MUC5B: variants seen among roughly 807,000 people sequenced by gnomAD.
MUC5B encodes mucin 5B, oligomeric mucus/gel-forming, also known as mucin-5B.
Under a neutral mutation model 376.9 loss-of-function variants are expected in MUC5B, and 116 were observed. The observed-to-expected ratio is 0.31, with a 90% CI of 0.26 to 0.36. The LOEUF (loss-of-function observed/expected upper bound fraction) is 0.36, where lower values mean the gene tolerates loss of function less well. Among genes scored for constraint, MUC5B ranks in the 10% least tolerant of loss-of-function variants. The pLI is 1.00. For missense variants in MUC5B, 7,165 were observed against 7,769.9 expected, an observed-to-expected ratio of 0.92 and a Z score of 2.93; for synonymous variants, 3,517 against 3,390.9, an observed-to-expected ratio of 1.04 and a Z score of -1.29.
At chr11:1,239,175 C>G in intron 26 of MUC5B, 148 bp downstream of exon 26, 1 of 1,073,252 alleles carries the variant, frequency 9.3e-7, no homozygotes, top group Non-Finnish European at 1.4e-6. Flanking sequence ...GCACAAGTTT[C>G]TATGCACAGA....
intron 11 of MUC5B, 96 bp downstream of exon 11, chr11:1,230,239 G>T (rs1312271086): frequency 3.4e-6 from 5 of 1,464,540 alleles, no homozygotes; most frequent in Non-Finnish European, 3.6e-6. Context: ...GTCATAGAGG[G>T]GTGGATGTCC....
Position 1,261,584 on chromosome 11 carries a change from G to A in MUC5B, c.17265G>A (p.Pro5755=), listed in dbSNP as rs762366069. 19 of 1,606,240 alleles carry A rather than the reference G, an allele frequency of 1.2e-5. No individual in the cohort carries two copies. The highest frequency in any genetic ancestry group is 1.5e-5 in the Non-Finnish European group (18 of 1,177,506). Reference sequence around the variant, plus strand: ...CTCCCCCACACACCCGTGGCTTCCCGGCCCAGGAGGCCACTGCTGTCTGAG... The same window carrying A: ...CTCCCCCACACACCCGTGGCTTCCCAGCCCAGGAGGCCACTGCTGTCTGAG... ...PMAPPHTRGF[P]AQEATAV The change falls in exon 49 of 49, where the codon CCG becomes CCA. Residue 5755 remains proline (P), a synonymous_variant. Coordinates refer to ENST00000529681, the MANE Select transcript of MUC5B (RefSeq NM_002458.3).
chr11:1,260,269 C>A, intron 46 of MUC5B, 82 bp from the exon 47 acceptor site: 3 of 1,479,948 alleles, frequency 2.0e-6, no homozygotes, highest in South Asian at 1.2e-5. Flanking sequence ...TGCCCCTGCC[C>A]GGGTGGGCCC....
chr11:1,253,050 G>C lies in MUC5B; in HGVS notation c.15217+70G>C. 1 of 1,557,494 alleles carries C rather than the reference G, an allele frequency of 6.4e-7. No individual in the cohort carries two copies. On this transcript the variant is annotated intron_variant, in intron 33 of 48. Transcript: ENST00000529681. The surrounding 1 kb of genome is among the most constrained non-coding windows in gnomAD (Gnocchi z 4.3). ...GCAGAGTGCACCGTCGGCTAGGCTGGCAGAATGGGGCATGGTGGGGCACAG... is the reference window on the plus strand; with the variant it reads ...GCAGAGTGCACCGTCGGCTAGGCTGCCAGAATGGGGCATGGTGGGGCACAG...
intron 8 of MUC5B, 131 bp from the exon 9 acceptor site, chr11:1,229,039 G>A: frequency 8.5e-7 from 1 of 1,175,692 alleles, no homozygotes; most frequent in Non-Finnish European, 1.2e-6. Context: ...GGGCGTCAGG[G>A]CCACCCTGGG....
chr11:1,262,035 GGCGGCC>G lies in MUC5B; in HGVS notation c.*430_*435del. On this transcript the variant is annotated 3_prime_UTR_variant, in exon 49 of 49. Transcript: ENST00000529681. Reference sequence around the variant, plus strand: ...GCTGCCAGGAAGCTGCGACAGGCAAGGCGGCCGCCTGTCCATGCCTGCTGCAGGGTA... The same window carrying G: ...GCTGCCAGGAAGCTGCGACAGGCAAGGCCTGTCCATGCCTGCTGCAGGGTA... 1 of 515,548 alleles carries G rather than the reference GGCGGCC, an allele frequency of 1.9e-6. No individual in the cohort carries two copies. Among genetic ancestry groups the G allele is most frequent in the Non-Finnish European group, 3.8e-6 (1 of 260,736 alleles). 31.9% of individuals were successfully genotyped at this position (515,548 alleles called of 1,614,324 possible).
At position 1,245,246 on chromosome 11, in the gene MUC5B, C is replaced by T. The variant is rs777141359; in HGVS notation, c.8366C>T (p.Thr2789Met). ...LGTTHITEPSTGTSHTPAATT... is the reference protein window; with the variant it reads ...LGTTHITEPSMGTSHTPAATT... ...ACCACCCACATCACAGAGCCTTCCACGGGGACTTCCCACACCCCAGCAGCA... is the reference window on the plus strand; with the variant it reads ...ACCACCCACATCACAGAGCCTTCCATGGGGACTTCCCACACCCCAGCAGCA... The change falls in exon 31 of 49, where the codon ACG (threonine) becomes ATG (methionine). Residue 2789 changes from threonine (T) to methionine (M), a missense_variant. Transcript: ENST00000529681. 2.8e-5 allele frequency: 44 copies of T among 1,598,452 alleles called. No individual in the cohort carries two copies. Among genetic ancestry groups the T allele is most frequent in the South Asian group, 5.6e-5 (5 of 89,928 alleles).
In MUC5B at chr11:1,228,561, C is replaced by T. The variant is rs868222346; in HGVS notation, c.775-3C>T. On this transcript the variant is annotated splice_region_variant and splice_polypyrimidine_tract_variant and intron_variant, in intron 7 of 48. Transcript: ENST00000529681. ...GCCCAGCCTGGCCCACTGTGCTCCC[C>T]AGGAGGGCATCTGCCACCGCACCCT... 5 of 1,520,020 alleles carry T rather than the reference C, an allele frequency of 3.3e-6. No individual in the cohort carries two copies. In the African/African-American group the frequency reaches 6.9e-5, roughly 21 times the overall value. The allele number at this position is 1,520,020 out of a possible 1,614,324, so 94.2% of individuals were successfully genotyped here.
At position 1,244,546 on chromosome 11, in the gene MUC5B, A is replaced by G. The variant is rs764875094; in HGVS notation, c.7666A>G (p.Thr2556Ala). 1.2e-6 allele frequency: 2 copies of G among 1,609,412 alleles called. No homozygotes were observed. Among genetic ancestry groups the G allele is most frequent in the East Asian group, 2.2e-5 (1 of 44,666 alleles). Residue 2556 changes from threonine (T) to alanine (A), a missense_variant, in exon 31 of 49, where the codon ACC (threonine) becomes GCC (alanine). Transcript: ENST00000529681. ...CACCTGGACCCGCCTATCACAGACC[A>G]CCACACCCACGGCCACCATGTCCAC... Reference protein sequence around the residue: ...GTTWTRLSQTTTPTATMSTAT... With the variant: ...GTTWTRLSQTATPTATMSTAT...
intron 25 of MUC5B, among the ~76,000 whole-genome samples, chr11:1,237,676 C>T (rs914154162): frequency 3.3e-5 from 5 of 152,150 alleles, no homozygotes; most frequent in African/African-American, 4.8e-5. Context: ...TTGAGACCAG[C>T]CTGGTCAACA....
Position 1,236,977 on chromosome 11 carries a change from T to C in MUC5B, c.3110T>C (p.Phe1037Ser), listed in dbSNP as rs1372065701. Residue 1037 changes from phenylalanine (F) to serine (S), a missense_variant, in exon 25 of 49, where the codon TTT becomes TCT. Phe to Ser is a radical substitution (Grantham distance 155). Transcript: ENST00000529681. ...GNFDDNAIND[F>S]ATRSRSVVGD... ...TTCGACGACAATGCCATCAATGACT[T>C]TGCCACGCGTAGCCGGTCCGTGGTG... The C allele has an allele frequency of 1.3e-6, 2 of 1,552,096 alleles. No homozygotes were observed. The highest frequency in any genetic ancestry group is 1.2e-5 in the South Asian group (1 of 81,974).
intron 14 of MUC5B, 77 bp downstream of exon 14, chr11:1,231,637 G>A: frequency 6.8e-7 from 1 of 1,471,936 alleles, no homozygotes; most frequent in Non-Finnish European, 9.0e-7. Context: ...GCAGGGAGGG[G>A]CAGGCAGAGG....
Position 1,256,640 on chromosome 11 carries a change from A to G in MUC5B, c.16137-31A>G, listed in dbSNP as rs377658809. 18 of 1,519,020 alleles carry G rather than the reference A, an allele frequency of 1.2e-5. No individual in the cohort carries two copies. The African/African-American group carries it at 2.0e-4, about 17-fold the overall frequency. The allele number at this position is 1,519,020 out of a possible 1,614,324, so 94.1% of individuals were successfully genotyped here. A position where few individuals can be genotyped will look rare whatever the true frequency, so the allele number is the denominator to read the frequency against. Reference sequence around the variant, plus strand: ...GACAGTGGAGGCCTCCTGGATCTCTAGGTCTCAGGGCCTCTCTTGTCATCC... The same window carrying G: ...GACAGTGGAGGCCTCCTGGATCTCTGGGTCTCAGGGCCTCTCTTGTCATCC... On this transcript the variant is annotated intron_variant, in intron 38 of 48. Coordinates refer to ENST00000529681, the MANE Select transcript of MUC5B (RefSeq NM_002458.3).
At chr11:1,256,577 C>T (rs1415743121) in intron 38 of MUC5B, 94 bp from the exon 39 acceptor site, 2 of 698,744 alleles carry the variant, frequency 2.9e-6, no homozygotes, top group Admixed American at 3.3e-5. Context: ...CATCTCCTTC[C>T]CTGCTCCCCA....
chr11:1,225,745 G>A lies in MUC5B; in HGVS notation c.127+8G>A. Reference sequence around the variant, plus strand: ...GGCACACCATGGATGGCGGTATGTGGCCAGGTTCGGGGGTGGGGGGTTCCT... The same window carrying A: ...GGCACACCATGGATGGCGGTATGTGACCAGGTTCGGGGGTGGGGGGTTCCT... On this transcript the variant is annotated splice_region_variant and intron_variant, in intron 2 of 48. Transcript: ENST00000529681. The A allele has an allele frequency of 6.2e-7, 1 of 1,603,568 alleles. No individual in the cohort carries two copies. Among genetic ancestry groups the A allele is most frequent in the Non-Finnish European group, 8.5e-7 (1 of 1,175,638 alleles).
In MUC5B at chr11:1,243,644, C is replaced by T; in HGVS notation, c.6764C>T (p.Pro2255Leu). Reference sequence around the variant, plus strand: ...CACTCGACTCCAGCCCTTTCCAGCCCTCACCCTAGCAGCAGAACCACCGAG... The same window carrying T: ...CACTCGACTCCAGCCCTTTCCAGCCTTCACCCTAGCAGCAGAACCACCGAG... ...TQHSTPALSS[P>L]HPSSRTTESP... Residue 2255 changes from proline to leucine, a missense_variant, in exon 31 of 49, where the codon CCT (proline) becomes CTT (leucine). Pro to Leu is a moderately conservative substitution (Grantham distance 98). This residue lies in a region of MUC5B where 79 missense variants were observed against 63.0 expected (regional missense o/e 1.25). Coordinates refer to ENST00000529681, the MANE Select transcript of MUC5B (RefSeq NM_002458.3). The T allele has an allele frequency of 6.2e-7, 1 of 1,611,246 alleles. No homozygotes were observed. The highest frequency in any genetic ancestry group is 8.5e-7 in the Non-Finnish European group (1 of 1,179,436).
chr11:1,226,896 G>A lies in MUC5B; in HGVS notation c.461+20G>A, dbSNP rs753842839. On this transcript the variant is annotated intron_variant, in intron 4 of 48. Coordinates refer to ENST00000529681, the MANE Select transcript of MUC5B (RefSeq NM_002458.3). Reference sequence around the variant, plus strand: ...GCAGCGGTGAGCCGGCCACCCTGGGGAGGGGCGAGGGCCGGGCCACACAGT... The same window carrying A: ...GCAGCGGTGAGCCGGCCACCCTGGGAAGGGGCGAGGGCCGGGCCACACAGT... 9 of 1,602,050 alleles carry A rather than the reference G, an allele frequency of 5.6e-6. No homozygotes were observed. The highest frequency in any genetic ancestry group is 4.4e-5 in the South Asian group (4 of 90,662).
At position 1,246,223 on chromosome 11, in the gene MUC5B, A is replaced by T. The variant is rs541618173; in HGVS notation, c.9343A>T (p.Thr3115Ser). 1.8e-4 allele frequency: 291 copies of T among 1,611,646 alleles called. 1 individual carries two copies. The African/African-American group carries it at 3.7e-3, about 21-fold the overall frequency. Residue 3115 changes from threonine to serine, a missense_variant, in exon 31 of 49, where the codon ACG becomes TCG. This residue lies in a region of MUC5B where 939 missense variants were observed against 770.6 expected (regional missense o/e 1.22). Coordinates refer to ENST00000529681, the MANE Select transcript of MUC5B (RefSeq NM_002458.3). Reference sequence around the variant, plus strand: ...CACAGTGCTGACCACGAAGGCCACCACGACAAGGGCCACCAGTTCCATGTC... The same window carrying T: ...CACAGTGCTGACCACGAAGGCCACCTCGACAAGGGCCACCAGTTCCATGTC... ...TSTVLTTKAT[T>S]TRATSSMSTP...
In MUC5B at chr11:1,230,501, C is replaced by T; in HGVS notation, c.1371C>T (p.Asp457=). ...CSYVLSKKCA[D]SSFTVLAELR... ...GTCCTTCTCCCCAGAAATGTGCCGA[C>T]AGCAGCTTCACCGTGCTGGCTGAGC... Residue 457 remains aspartate (D), a synonymous_variant, in exon 12 of 49, where the codon GAC becomes GAT. Transcript: ENST00000529681. 6.2e-7 allele frequency: 1 copy of T among 1,607,440 alleles called. No homozygotes were observed. Among genetic ancestry groups the T allele is most frequent in the East Asian group, 2.2e-5 (1 of 44,684 alleles).
Sources: allele counts gnomAD v4.1 joint callset (sites outside exome capture counted in the v4.1 genomes callset), GRCh38; gene constraint gnomAD v4.1.1; regional missense constraint gnomAD v4.1.1; non-coding constraint Gnocchi (gnomAD v3.1); transcripts MANE v1.5; gene names NCBI Gene and HGNC (gene_info 2026-07-23, HGNC 2026-07-21).